ACOXL: variants seen among roughly 807,000 people sequenced by gnomAD.
The protein encoded by ACOXL is acyl-CoA oxidase like.
In ACOXL, 70 loss-of-function variants were observed where a neutral mutation model predicts 71.9. The observed-to-expected ratio is 0.97, with a 90% CI of 0.80 to 1.19. ACOXL has a LOEUF of 1.19. Among genes scored for constraint, ACOXL ranks in the 50% most tolerant of loss-of-function variants. ACOXL has a pLI of 0.00. For synonymous variants in ACOXL, 253 were observed against 281.6 expected (o/e 0.90, Z 1.02); for missense variants, 703 against 736.3 (o/e 0.95, Z 0.52).
chr2:110,933,193 T>C (rs1326501131), intron 11 of ACOXL, among the ~76,000 whole-genome samples: 1 of 152,220 alleles, frequency 6.6e-6, no homozygotes, highest in African/African-American at 2.4e-5. Context: ...TCAATAAACA[T>C]AGAGTTTTAG....
Position 110,805,334 on chromosome 2 carries a change from T to C in ACOXL, c.692T>C (p.Met231Thr), listed in dbSNP as rs1388395878. ...IRNKSARFNA[M>T]LAALTPSRLA... ...AACAAGAGTGCAAGATTCAATGCCA[T>C]GCTGGCAGCACTGACCCCTTCGAGA... is the stretch of plus-strand genomic sequence containing the variant. The change falls in exon 9 of 18, where the codon ATG becomes ACG. Residue 231 changes from methionine (M) to threonine (T), a missense_variant. Coordinates refer to ENST00000439055, the MANE Select transcript of ACOXL (RefSeq NM_001142807.4). The C allele has an allele frequency of 5.6e-6, 9 of 1,614,274 alleles. No homozygotes were observed. Among genetic ancestry groups the C allele is most frequent in the Non-Finnish European group, 7.6e-6 (9 of 1,180,048 alleles).
Position 110,995,924 on chromosome 2 carries a change from G to A in ACOXL, c.1201G>A (p.Asp401Asn), listed in dbSNP as rs752734033. 1 of 1,610,512 alleles carries A rather than the reference G, an allele frequency of 6.2e-7. No homozygotes were observed. The highest frequency in any genetic ancestry group is 8.5e-7 in the Non-Finnish European group (1 of 1,179,912). The stretch of plus-strand genomic sequence containing the variant: ...GGCATTTAACATGGACACAGTTGAT[G>A]ATCTCGCCTTTCTGTTGAAAGCAGT... Reference protein sequence around the residue: ...FLAFNMDTVDDLAFLLKAVKF... With the variant: ...FLAFNMDTVDNLAFLLKAVKF... The change falls in exon 14 of 18, where the codon GAT becomes AAT. Residue 401 changes from aspartate to asparagine, a missense_variant. Coordinates refer to ENST00000439055, the MANE Select transcript of ACOXL (RefSeq NM_001142807.4).
chr2:110,858,325 G>A (rs908197985), intron 10 of ACOXL, among the ~76,000 whole-genome samples: 1 of 152,176 alleles, frequency 6.6e-6, no homozygotes, highest in African/African-American at 2.4e-5. Context: ...AAGTCCGGGT[G>A]GGGAACAGGG....
chr2:110,893,153 G>T (rs531711635), intron 10 of ACOXL, among the ~76,000 whole-genome samples: 1 of 152,256 alleles, frequency 6.6e-6, no homozygotes, highest in South Asian at 2.1e-4. Flanking sequence ...AAAATTAAAA[G>T]TGTACATATT....
At chr2:110,821,893 C>G (rs968716877) in intron 9 of ACOXL, among the ~76,000 whole-genome samples, 6 of 152,034 alleles carry the variant, frequency 3.9e-5, no homozygotes, top group African/African-American at 1.4e-4. Context: ...TTTGGAAGCT[C>G]TTTCAATTGG....
intron 16 of ACOXL, among the ~76,000 whole-genome samples, chr2:111,076,720 A>G (rs1447831034): frequency 1.3e-5 from 2 of 152,198 alleles, no homozygotes; most frequent in East Asian, 3.8e-4. Context: ...GATGACATAA[A>G]ACAACAAAAA....
At chr2:110,804,043 G>A (rs1297674048) in intron 8 of ACOXL, among the ~76,000 whole-genome samples, 1 of 148,842 alleles carries the variant, frequency 6.7e-6, no homozygotes, top group Middle Eastern at 3.2e-3. Flanking sequence ...CTGAAGTGCA[G>A]TGGTGTAATC....
intron 1 of ACOXL, among the ~76,000 whole-genome samples, chr2:110,746,238 G>A (rs1035447990): frequency 4.6e-5 from 7 of 152,118 alleles, no homozygotes; most frequent in African/African-American, 1.7e-4. Context: ...TGCCTTTACG[G>A]AACATATGCA....
intron 10 of ACOXL, among the ~76,000 whole-genome samples, chr2:110,884,001 G>T (rs1391360272): frequency 6.6e-6 from 1 of 152,184 alleles, no homozygotes; most frequent in Non-Finnish European, 1.5e-5. Flanking sequence ...GAAAGGATGG[G>T]TAATAGGCAC....
chr2:110,755,970 CATT>C (rs757116072), intron 1 of ACOXL, among the ~76,000 whole-genome samples: 3 of 152,142 alleles, frequency 2.0e-5, no homozygotes, highest in Non-Finnish European at 2.9e-5. Context: ...GTCCATATAA[CATT>C]ATTCTCATCC....
chr2:110,782,838 A>G (rs899825254), intron 2 of ACOXL, among the ~76,000 whole-genome samples: 14 of 152,244 alleles, frequency 9.2e-5, no homozygotes, highest in South Asian at 4.1e-4. Flanking sequence ...TGGCTAAAAC[A>G]GAGCTGGCAT....
intron 15 of ACOXL, among the ~76,000 whole-genome samples, chr2:111,038,554 A>C (rs545465162): frequency 6.6e-6 from 1 of 152,234 alleles, no homozygotes; most frequent in Non-Finnish European, 1.5e-5. Context: ...TTAGTACCAA[A>C]ATTGATGGGC....
intron 11 of ACOXL, among the ~76,000 whole-genome samples, chr2:110,917,716 C>T (rs1408667859): frequency 1.3e-5 from 2 of 152,216 alleles, no homozygotes; most frequent in Non-Finnish European, 2.9e-5. Context: ...TCTCAGGATA[C>T]AAAATCAATG....
chr2:110,848,768 T>C (rs1298511230), intron 10 of ACOXL, among the ~76,000 whole-genome samples: 3 of 152,206 alleles, frequency 2.0e-5, no homozygotes, highest in Non-Finnish European at 4.4e-5. Context: ...CTGCCACACC[T>C]ACACAGTGGT....
intron 15 of ACOXL, among the ~76,000 whole-genome samples, chr2:111,032,097 T>C (rs2065299269): frequency 1.3e-5 from 2 of 152,040 alleles, no homozygotes; most frequent in Admixed American, 1.3e-4. Flanking sequence ...AAAGTGAGAG[T>C]GTTTTAACAG....
At chr2:110,819,004 C>T (rs1282780326) in intron 9 of ACOXL, among the ~76,000 whole-genome samples, 1 of 65,050 alleles carries the variant, frequency 1.5e-5, no homozygotes, top group East Asian at 4.9e-4. Flanking sequence ...AGGTACTGTC[C>T]GTTTCTGGGC....
chr2:110,836,781 A>G (rs1690518474), intron 9 of ACOXL, among the ~76,000 whole-genome samples: 1 of 152,234 alleles, frequency 6.6e-6, no homozygotes. Flanking sequence ...AAGTATGGGA[A>G]AGGGAGGGAA....
chr2:110,733,378 G>A (rs1369154196), intron 1 of ACOXL, among the ~76,000 whole-genome samples: 1 of 152,200 alleles, frequency 6.6e-6, no homozygotes, highest in Non-Finnish European at 1.5e-5. Context: ...AGCAGGCAGA[G>A]GGTTGAGTGC....
chr2:110,870,815 G>A (rs1361574804), intron 10 of ACOXL, among the ~76,000 whole-genome samples: 1 of 152,092 alleles, frequency 6.6e-6, no homozygotes, highest in East Asian at 1.9e-4. Flanking sequence ...TTTCTCCTTG[G>A]CTCCCTGGAA....
Sources: allele counts gnomAD v4.1 joint callset (sites outside exome capture counted in the v4.1 genomes callset), GRCh38; gene constraint gnomAD v4.1.1; transcripts MANE v1.5; gene names NCBI Gene and HGNC (gene_info 2026-07-23, HGNC 2026-07-21).